Variants in FIGN observed in about 807,000 individuals in gnomAD.
FIGN encodes the protein fidgetin.
FIGN carries 11 observed loss-of-function variants against 51.3 expected under a neutral mutation model. The ratio of observed to expected loss-of-function variants is 0.21; its 90% confidence interval spans 0.13 to 0.35. The LOEUF (loss-of-function observed/expected upper bound fraction) is 0.35, where lower values mean the gene tolerates loss of function less well. FIGN is among the 10% of genes least tolerant of loss of function. The probability of loss-of-function intolerance (pLI) is 1.00; values close to 1 mark genes in which losing one functional copy is unlikely to be tolerated. For missense variants in FIGN, 857 were observed against 943.6 expected, an observed-to-expected ratio of 0.91 and a Z score of 1.20; for synonymous variants, 407 against 363.2, an observed-to-expected ratio of 1.12 and a Z score of -1.37.
intron 2 of FIGN, among the ~76,000 whole-genome samples, chr2:163,676,822 T>C (rs1462477884): frequency 6.6e-6 from 1 of 152,090 alleles, no homozygotes; most frequent in Admixed American, 6.6e-5. Flanking sequence ...ATCCAAGATA[T>C]GTACCTCATC....
intron 2 of FIGN, among the ~76,000 whole-genome samples, chr2:163,687,937 T>C (rs537576672): frequency 6.6e-6 from 1 of 152,320 alleles, no homozygotes; most frequent in South Asian, 2.1e-4. Context: ...GGAGTTAGTA[T>C]ACAGATGCTT....
chr2:163,694,889 G>C (rs1684292797), intron 2 of FIGN, among the ~76,000 whole-genome samples: 1 of 152,126 alleles, frequency 6.6e-6, no homozygotes, highest in Non-Finnish European at 1.5e-5. Flanking sequence ...TTGGGCCCAA[G>C]CAATCCTCCT....
intron 2 of FIGN, among the ~76,000 whole-genome samples, chr2:163,691,102 C>T (rs890191000): frequency 1.3e-5 from 2 of 151,958 alleles, no homozygotes; most frequent in African/African-American, 4.8e-5. Flanking sequence ...GGAAATGGAC[C>T]GTTGGCCACT....
chr2:163,626,386 G>T (rs770944285), intron 2 of FIGN, among the ~76,000 whole-genome samples: 2 of 151,746 alleles, frequency 1.3e-5, no homozygotes, highest in Non-Finnish European at 2.9e-5. Context: ...AAACTAAGAG[G>T]GTTCATTGCC....
intron 2 of FIGN, among the ~76,000 whole-genome samples, chr2:163,730,520 GT>G (rs1266642041): frequency 2.0e-5 from 3 of 151,876 alleles, no homozygotes; most frequent in African/African-American, 7.3e-5. Context: ...GTGTGTGTGT[GT>G]GTGTGTGTGT....
intron 2 of FIGN, among the ~76,000 whole-genome samples, chr2:163,659,507 T>G (rs1406671832): frequency 6.6e-6 from 1 of 152,160 alleles, no homozygotes; most frequent in Non-Finnish European, 1.5e-5. Context: ...TCGAAGGGCT[T>G]GGAAATGTAT....
rs1347228299 is a variant in FIGN at position 163,602,823 on chromosome 2, T to C, written c.*6729A>G. On this transcript the variant is annotated 3_prime_UTR_variant, in exon 3 of 3. Coordinates refer to ENST00000333129, the MANE Select transcript of FIGN (RefSeq NM_018086.4). ...ATTTCCCTGTGGTAGCAAGTATTTA[T>C]GAAAAGGAATATTCAGTAGGGACAG... 1.3e-5 allele frequency: 2 copies of C among 152,054 alleles called. No homozygotes were observed. The highest frequency in any genetic ancestry group is 2.9e-5 in the Non-Finnish European group (2 of 67,972). 9.4% of individuals were successfully genotyped at this position (152,054 alleles called of 1,614,324 possible). A position where few individuals can be genotyped will look rare whatever the true frequency, so the allele number is the denominator to read the frequency against.
At chr2:163,679,317 C>A (rs764609854) in intron 2 of FIGN, among the ~76,000 whole-genome samples, 9 of 151,974 alleles carry the variant, frequency 5.9e-5, no homozygotes, top group Admixed American at 3.3e-4. Flanking sequence ...CATGGTGAAA[C>A]CCCGTCTCTG....
chr2:163,715,120 G>T (rs1343883302), intron 2 of FIGN, among the ~76,000 whole-genome samples: 1 of 152,170 alleles, frequency 6.6e-6, no homozygotes, highest in Non-Finnish European at 1.5e-5. Context: ...ACTGTCTGTG[G>T]CTATGCCTGG....
At chr2:163,668,922 CAG>C (rs1683829032) in intron 2 of FIGN, among the ~76,000 whole-genome samples, 1 of 150,596 alleles carries the variant, frequency 6.6e-6, no homozygotes, top group South Asian at 2.1e-4. Context: ...GCCTGGGTGA[CAG>C]AGTGAGACTC....
At chr2:163,649,411 C>A (rs1683435139) in intron 2 of FIGN, among the ~76,000 whole-genome samples, 1 of 152,142 alleles carries the variant, frequency 6.6e-6, no homozygotes, top group Admixed American at 6.5e-5. Context: ...GGGGGTCTGA[C>A]TTTTAATGTG....
chr2:163,664,530 C>T (rs1683742201), intron 2 of FIGN, among the ~76,000 whole-genome samples: 1 of 152,100 alleles, frequency 6.6e-6, no homozygotes, highest in African/African-American at 2.4e-5. Context: ...GGTATTTTTC[C>T]AGAACAGTCT....
At chr2:163,659,493 G>C (rs539303876) in intron 2 of FIGN, among the ~76,000 whole-genome samples, 3 of 152,258 alleles carry the variant, frequency 2.0e-5, no homozygotes, top group Non-Finnish European at 4.4e-5. Context: ...GGCAGATAGA[G>C]CCCTCGAAGG....
chr2:163,609,506 G>T lies in FIGN; in HGVS notation c.*46C>A. The T allele has an allele frequency of 6.6e-7, 1 of 1,517,950 alleles. No individual in the cohort carries two copies. Among genetic ancestry groups the T allele is most frequent in the Non-Finnish European group, 8.9e-7 (1 of 1,119,738 alleles). 94.0% of individuals were successfully genotyped at this position (1,517,950 alleles called of 1,614,324 possible). ...CTATTCCCTATGTAGCAGGTTTTAT[G>T]TGTGTGTGCCAACATTCATTACATT... On this transcript the variant is annotated 3_prime_UTR_variant, in exon 3 of 3. Transcript: ENST00000333129.
rs558301297 is a variant in FIGN at position 163,670,788 on chromosome 2, T to C, written c.26-58982A>G. Among the ~76,000 whole-genome samples the C allele has an allele frequency of 2.6e-5, 4 of 152,326 alleles. No homozygotes were observed. In the South Asian group the frequency reaches 8.3e-4, roughly 32 times the overall value. On this transcript the variant is annotated intron_variant, in intron 2 of 2. Transcript: ENST00000333129. ...GAAGTATTCTCAGCAATTTAATATC[T>C]TCCTCAAAATACATTAAACACCTGA...
intron 2 of FIGN, chr2:163,612,692 A>ATGTGTGTGTGTGTGTG (rs10678331): frequency 2.6e-6 from 1 of 377,812 alleles, no homozygotes; most frequent in African/African-American, 2.4e-5. Context: ...AGAGGGGAGA[A>ATGTGTGTGTGTGTGTG]TGTGTGTGTG....
At chr2:163,636,581 G>A (rs1033005841) in intron 2 of FIGN, among the ~76,000 whole-genome samples, 3 of 152,096 alleles carry the variant, frequency 2.0e-5, no homozygotes, top group Admixed American at 6.5e-5. Flanking sequence ...CACTGCTCCC[G>A]ACTCTAATGG....
chr2:163,628,616 G>A (rs985305249), intron 2 of FIGN, among the ~76,000 whole-genome samples: 2 of 151,984 alleles, frequency 1.3e-5, no homozygotes, highest in African/African-American at 2.4e-5. Flanking sequence ...CAAATAAGCA[G>A]GGTCTAAACT....
chr2:163,719,244 G>T (rs1049185100), intron 2 of FIGN, among the ~76,000 whole-genome samples: 2 of 152,158 alleles, frequency 1.3e-5, no homozygotes, highest in African/African-American at 4.8e-5. Flanking sequence ...TGAATAAAAA[G>T]ATTTAGGATG....
Sources: gnomAD v4.1 joint callset for allele counts (sites outside exome capture counted in the v4.1 genomes callset) on GRCh38, gnomAD v4.1.1 for gene constraint, MANE v1.5 for transcripts, NCBI Gene and HGNC (gene_info 2026-07-23, HGNC 2026-07-21) for gene names.